The following TMPRSS11F variants were observed in gnomAD, a reference collection of about 807,000 sequenced individuals.
TMPRSS11F encodes the protein transmembrane protease serine 11F.
In TMPRSS11F, 47 loss-of-function variants were observed where a neutral mutation model predicts 60.2. The observed-to-expected ratio is 0.78, with a 90% CI of 0.62 to 1.00. The LOEUF is 1.00. Ranked by LOEUF, TMPRSS11F falls within the 50% of genes least tolerant of loss-of-function variation. The pLI is 0.00. For synonymous variants in TMPRSS11F, 166 were observed against 167.3 expected, an observed-to-expected ratio of 0.99 and a Z score of 0.06; for missense variants, 519 against 522.9, an observed-to-expected ratio of 0.99 and a Z score of 0.07.
At chr4:68,080,056 G>A (rs1222927225) in intron 3 of TMPRSS11F, 3 of 152,122 alleles carry the variant, frequency 2.0e-5, no homozygotes, top group Non-Finnish European at 4.4e-5. Context: ...TACTGTCAAG[G>A]GAATATGTGC....
intron 1 of TMPRSS11F, among the ~76,000 whole-genome samples, chr4:68,100,499 T>A (rs949125832): frequency 6.6e-6 from 1 of 151,934 alleles, no homozygotes; most frequent in African/African-American, 2.4e-5. Context: ...GAGGAGGCGA[T>A]GGATTTAGTT....
At chr4:68,066,455 G>T (rs917617617) in intron 7 of TMPRSS11F, among the ~76,000 whole-genome samples, 7 of 152,132 alleles carry the variant, frequency 4.6e-5, no homozygotes, top group African/African-American at 1.7e-4. Context: ...ATTTGTGCAG[G>T]TAAGTGACAC....
At chr4:68,074,181 TG>T (rs1723538585) in intron 3 of TMPRSS11F, among the ~76,000 whole-genome samples, 172 bp from the exon 4 acceptor site, 1 of 152,238 alleles carries the variant, frequency 6.6e-6, no homozygotes, top group African/African-American at 2.4e-5. Flanking sequence ...GTCATGTTAA[TG>T]GGTACACTGA....
At chr4:68,075,767 G>C (rs1027100443) in intron 3 of TMPRSS11F, among the ~76,000 whole-genome samples, 2 of 152,070 alleles carry the variant, frequency 1.3e-5, no homozygotes, top group African/African-American at 2.4e-5. Flanking sequence ...GGCCAAGGCG[G>C]GTGGATCATG....
Position 68,081,294 on chromosome 4 carries a change from T to G in TMPRSS11F, c.283-7285A>C, listed in dbSNP as rs1165201705. 2.6e-5 allele frequency among the ~76,000 whole-genome samples: 4 copies of G among 152,264 alleles called. No individual in the cohort carries two copies. In the East Asian group the frequency reaches 7.7e-4, roughly 29 times the overall value. ...TGGAAATCTCTTACCTATCCAACTA[T>G]AATAACTGTCATGTCATTTATAGTA... On this transcript the variant is annotated intron_variant, in intron 3 of 9. Coordinates refer to ENST00000356291, the MANE Select transcript of TMPRSS11F (RefSeq NM_207407.2).
chr4:68,086,006 A>C (rs1394151009), intron 3 of TMPRSS11F, among the ~76,000 whole-genome samples: 2 of 152,164 alleles, frequency 1.3e-5, no homozygotes, highest in East Asian at 3.9e-4. Flanking sequence ...TGTGGACAAA[A>C]ACTTGACACT....
At chr4:68,059,282 T>C (rs772187768) in intron 9 of TMPRSS11F, 44 bp downstream of exon 9, 1 of 1,603,658 alleles carries the variant, frequency 6.2e-7, no homozygotes, top group Non-Finnish European at 8.5e-7. Context: ...AAATAGCTAA[T>C]GGAAACTTTC....
intron 8 of TMPRSS11F, among the ~76,000 whole-genome samples, chr4:68,063,514 C>CT (rs1246101346): frequency 1.3e-5 from 2 of 151,922 alleles, no homozygotes; most frequent in African/African-American, 4.8e-5. Flanking sequence ...GTAGCTGGGA[C>CT]TACAGGCCTG....
At chr4:68,116,215 T>A (rs1404061633) in intron 1 of TMPRSS11F, among the ~76,000 whole-genome samples, 5 of 152,196 alleles carry the variant, frequency 3.3e-5, no homozygotes, top group Non-Finnish European at 2.9e-5. Flanking sequence ...CGTATTAGAA[T>A]GGCAACAGTT....
At position 68,054,009 on chromosome 4, in the gene TMPRSS11F, A is replaced by C. The variant is rs551056899; in HGVS notation, c.1217T>G (p.Ile406Arg). The C allele has an allele frequency of 6.2e-7, 1 of 1,613,490 alleles. No homozygotes were observed. The highest frequency in any genetic ancestry group is 8.5e-7 in the Non-Finnish European group (1 of 1,179,486). Residue 406 changes from isoleucine (I) to arginine (R), a missense_variant, in exon 10 of 10, where the codon ATA (isoleucine) becomes AGA (arginine). Physicochemically the swap from Ile to Arg is moderately conservative, Grantham distance 97. Transcript: ENST00000356291. ...TGCACATGATTGTCCCCAACTTACT[A>C]TACCTACAATGTACCAGATGTCATG... ...DNHDIWYIVG[I>R]VSWGQSCALP...
chr4:68,111,700 C>T (rs1724412397), intron 1 of TMPRSS11F, among the ~76,000 whole-genome samples: 1 of 152,172 alleles, frequency 6.6e-6, no homozygotes, highest in African/African-American at 2.4e-5. Flanking sequence ...TTTCTGCCAG[C>T]ATGGTGGTGG....
chr4:68,072,225 A>ATATATATATATATATATATATATATCTT lies in TMPRSS11F; in HGVS notation c.514+97_514+98insAAGATATATATATATATATATATATATA, dbSNP rs61052562. ...TATATATATATATATATCTTCCAAAAAAAAAATATATATATATATATATAT... is the reference window on the plus strand; with the variant it reads ...TATATATATATATATATCTTCCAAAATATATATATATATATATATATATATCTTAAAAAATATATATATATATATATAT... On this transcript the variant is annotated intron_variant, in intron 5 of 9. Transcript: ENST00000356291. 2.1e-5 allele frequency: 2 copies of ATATATATATATATATATATATATATCTT among 93,790 alleles called. 1 individual carries two copies. Among genetic ancestry groups the ATATATATATATATATATATATATATCTT allele is most frequent in the African/African-American group, 8.5e-5 (2 of 23,626 alleles). 5.8% of individuals were successfully genotyped at this position (93,790 alleles called of 1,614,324 possible).
chr4:68,079,596 C>CT (rs1723652084), intron 3 of TMPRSS11F, among the ~76,000 whole-genome samples: 1 of 152,074 alleles, frequency 6.6e-6, no homozygotes, highest in Non-Finnish European at 1.5e-5. Flanking sequence ...CTCATATTTA[C>CT]TTTTTTCTGT....
chr4:68,102,342 G>A (rs180698027), intron 1 of TMPRSS11F, among the ~76,000 whole-genome samples: 1 of 152,276 alleles, frequency 6.6e-6, no homozygotes, highest in Non-Finnish European at 1.5e-5. Context: ...GCCCAGAAGA[G>A]AGATTGCTGA....
intron 2 of TMPRSS11F, among the ~76,000 whole-genome samples, chr4:68,096,829 T>G (rs1454551671): frequency 6.6e-6 from 1 of 152,222 alleles, no homozygotes; most frequent in East Asian, 1.9e-4. Context: ...TATTTTACAA[T>G]TATTGATAAT....
Position 68,053,988 on chromosome 4 carries a change from C to A in TMPRSS11F, c.1238G>T (p.Cys413Phe). 2 of 1,612,814 alleles carry A rather than the reference C, an allele frequency of 1.2e-6. 1 individual carries two copies. The highest frequency in any genetic ancestry group is 1.7e-6 in the Non-Finnish European group (2 of 1,179,366). The change falls in exon 10 of 10, where the codon TGT (cysteine) becomes TTT (phenylalanine). Residue 413 changes from cysteine (C) to phenylalanine (F), a missense_variant. Cys to Phe is a radical substitution (Grantham distance 205). Coordinates refer to ENST00000356291, the MANE Select transcript of TMPRSS11F (RefSeq NM_207407.2). ...IVGIVSWGQSCALPKKPGVYT... is the reference protein window; with the variant it reads ...IVGIVSWGQSFALPKKPGVYT... Reference sequence around the variant, plus strand: ...GACTCCAGGTTTTTTGGGAAGTGCACATGATTGTCCCCAACTTACTATACC... The same window carrying A: ...GACTCCAGGTTTTTTGGGAAGTGCAAATGATTGTCCCCAACTTACTATACC...
intron 1 of TMPRSS11F, among the ~76,000 whole-genome samples, chr4:68,122,585 A>G (rs763236128): frequency 6.6e-6 from 1 of 152,222 alleles, no homozygotes; most frequent in African/African-American, 2.4e-5. Flanking sequence ...CAATTCTAAT[A>G]GGTAGATTCC....
chr4:68,085,576 C>G (rs967451683), intron 3 of TMPRSS11F, among the ~76,000 whole-genome samples: 3 of 152,156 alleles, frequency 2.0e-5, no homozygotes, highest in Admixed American at 2.0e-4. Flanking sequence ...TATATCAACA[C>G]TAACTTAAAT....
At chr4:68,126,342 C>G (rs1435112867) in intron 1 of TMPRSS11F, among the ~76,000 whole-genome samples, 1 of 152,054 alleles carries the variant, frequency 6.6e-6, no homozygotes, top group African/African-American at 2.4e-5. Context: ...ATAAATGAAA[C>G]TTTAAAATCT....
Sources: gnomAD v4.1 joint callset for allele counts (sites outside exome capture counted in the v4.1 genomes callset) on GRCh38, gnomAD v4.1.1 for gene constraint, MANE v1.5 for transcripts, NCBI Gene and HGNC (gene_info 2026-07-23, HGNC 2026-07-21) for gene names.